Variants in NALF1 observed in about 807,000 individuals in gnomAD.
NALF1 encodes family with sequence similarity 155 member A.
NALF1 carries 3 observed loss-of-function variants against 48.4 expected under a neutral mutation model. The ratio of observed to expected loss-of-function variants is 0.06; its 90% CI spans 0.03 to 0.16. NALF1 has a LOEUF of 0.16. NALF1 is among the 10% of genes least tolerant of loss of function. The probability of loss-of-function intolerance (pLI) is 1.00; values close to 1 mark genes in which losing one functional copy is unlikely to be tolerated. For missense variants in NALF1, 526 were observed against 571.5 expected (o/e 0.92, Z 0.81); for synonymous variants, 262 against 245.7 (o/e 1.07, Z -0.62).
At chr13:107,810,465 C>G (rs1878953940) in intron 1 of NALF1, among the ~76,000 whole-genome samples, 1 of 152,094 alleles carries the variant, frequency 6.6e-6, no homozygotes, top group Non-Finnish European at 1.5e-5. Flanking sequence ...GTCATCACCT[C>G]TATACAGATA....
intron 1 of NALF1, among the ~76,000 whole-genome samples, chr13:107,270,017 G>C (rs1402206917): frequency 7.1e-6 from 1 of 140,872 alleles, no homozygotes; most frequent in Non-Finnish European, 1.5e-5. Context: ...TGATCCGCCC[G>C]CCTCGCCCTC....
At chr13:107,221,218 A>T (rs919943959) in intron 1 of NALF1, among the ~76,000 whole-genome samples, 1 of 152,110 alleles carries the variant, frequency 6.6e-6, no homozygotes, top group African/African-American at 2.4e-5. Flanking sequence ...AAAATCACAG[A>T]CTTCACCATT....
rs1052025687 is a variant in NALF1, at chr13:107,776,997, G to A, written c.915+88685C>T. ...GTCCCAGCTGCTTGGGAGACTGAGG[G>A]GGGGAAGATGCTTGTGCCCAGGAGG... On this transcript the variant is annotated intron_variant, in intron 1 of 2. Transcript: ENST00000375915. Among the ~76,000 whole-genome samples the A allele has an allele frequency of 2.5e-4, 38 of 152,132 alleles. 1 individual carries two copies. Among genetic ancestry groups the A allele is most frequent in the Admixed American group, 5.2e-4 (8 of 15,286 alleles).
At chr13:107,328,057 C>T (rs1259427611) in intron 1 of NALF1, among the ~76,000 whole-genome samples, 1 of 151,880 alleles carries the variant, frequency 6.6e-6, no homozygotes, top group African/African-American at 2.4e-5. Flanking sequence ...AGTAGCTGGG[C>T]CTACAGGCAT....
At chr13:107,555,605 T>G (rs976431194) in intron 1 of NALF1, among the ~76,000 whole-genome samples, 4 of 151,934 alleles carry the variant, frequency 2.6e-5, no homozygotes, top group Non-Finnish European at 5.9e-5. Context: ...AGATGTTTGA[T>G]TTTAGTAACA....
rs1317070609 is a variant in NALF1 at position 107,582,207 on chromosome 13, A to G, written c.915+283475T>C. ...ATCCTTTAAAATAGATTCATTTTTC[A>G]AAGTCCTTAATGACTCCGAAGTAGA... is the stretch of plus-strand genomic sequence containing the variant. On this transcript the variant is annotated intron_variant, in intron 1 of 2. Coordinates refer to ENST00000375915, the MANE Select transcript of NALF1 (RefSeq NM_001080396.3). 2.0e-5 allele frequency among the ~76,000 whole-genome samples: 3 copies of G among 152,220 alleles called. No individual in the cohort carries two copies. In the East Asian group the frequency reaches 5.8e-4, roughly 29 times the overall value.
At chr13:107,337,368 T>C (rs1175769655) in intron 1 of NALF1, among the ~76,000 whole-genome samples, 1 of 152,218 alleles carries the variant, frequency 6.6e-6, no homozygotes, top group Non-Finnish European at 1.5e-5. Flanking sequence ...CTTTCAAATA[T>C]AACATTTTTA....
intron 2 of NALF1, among the ~76,000 whole-genome samples, chr13:107,202,461 TCA>T (rs1879541222): frequency 6.6e-6 from 1 of 151,446 alleles, no homozygotes; most frequent in African/African-American, 2.4e-5. Context: ...ATAATAATAT[TCA>T]CACAGACATT....
chr13:107,633,203 T>G (rs1239289914), intron 1 of NALF1, among the ~76,000 whole-genome samples: 1 of 152,152 alleles, frequency 6.6e-6, no homozygotes, highest in African/African-American at 2.4e-5. Context: ...TTAGTGACTT[T>G]TAAAATAAGT....
At chr13:107,197,267 T>A (rs1005581944) in intron 2 of NALF1, among the ~76,000 whole-genome samples, 1 of 152,236 alleles carries the variant, frequency 6.6e-6, no homozygotes, top group Non-Finnish European at 1.5e-5. Context: ...TATTCTGTCA[T>A]AGCCACATAA....
At chr13:107,330,541 T>A (rs1882450249) in intron 1 of NALF1, among the ~76,000 whole-genome samples, 1 of 152,310 alleles carries the variant, frequency 6.6e-6, no homozygotes, top group African/African-American at 2.4e-5. Context: ...AAACACAACA[T>A]AAGGGACACT....
chr13:107,548,800 AG>A (rs1877207813), intron 1 of NALF1, among the ~76,000 whole-genome samples: 3 of 152,052 alleles, frequency 2.0e-5, no homozygotes, highest in Admixed American at 2.0e-4. Flanking sequence ...AGGAATATCT[AG>A]CCATACACAC....
chr13:107,516,072 C>G (rs1323680), intron 1 of NALF1, among the ~76,000 whole-genome samples: 1 of 152,170 alleles, frequency 6.6e-6, no homozygotes, highest in Non-Finnish European at 1.5e-5. Flanking sequence ...AAAATGTTCA[C>G]TGGGGGTTTG....
chr13:107,523,679 G>C (rs1363405729), intron 1 of NALF1, among the ~76,000 whole-genome samples: 4 of 151,766 alleles, frequency 2.6e-5, no homozygotes, highest in Admixed American at 2.6e-4. Flanking sequence ...TTCAAGTCTT[G>C]GTGTCTGGAA....
rs56166501 is a variant in NALF1, at chr13:107,182,915, C to T, written c.1088-12129G>A. The stretch of plus-strand genomic sequence containing the variant: ...CTAATTTAGGCAAACAAAATAAAAA[C>T]GGGGGATGGCAGGAATATTAGAAAC... On this transcript the variant is annotated intron_variant, in intron 2 of 2. Transcript: ENST00000375915. Among the ~76,000 whole-genome samples, 331 of 152,174 alleles carry T rather than the reference C, an allele frequency of 2.2e-3. 1 individual carries two copies. Among genetic ancestry groups the T allele is most frequent in the African/African-American group, 7.6e-3 (317 of 41,520 alleles).
rs201062616 is a variant in NALF1 at position 107,519,120 on chromosome 13, AT to A, written c.916-308366del. ...AATAGCTGATAAAAATCACTAAGGAATGACTTGTGATATGTGTTTACAATCA... is the reference window on the plus strand; with the variant it reads ...AATAGCTGATAAAAATCACTAAGGAAGACTTGTGATATGTGTTTACAATCA... On this transcript the variant is annotated intron_variant, in intron 1 of 2. Transcript: ENST00000375915. Among the ~76,000 whole-genome samples the A allele has an allele frequency of 1.3e-4, 11 of 82,646 alleles. No individual in the cohort carries two copies. The South Asian group carries it at 5.0e-3, about 38-fold the overall frequency. The allele number at this position is 82,646 out of a possible 152,430, so 54.2% of individuals were successfully genotyped here. A position where few individuals can be genotyped will look rare whatever the true frequency, so the allele number is the denominator to read the frequency against.
intron 1 of NALF1, among the ~76,000 whole-genome samples, chr13:107,288,241 A>G (rs1183565878): frequency 8.4e-6 from 1 of 118,924 alleles, no homozygotes; most frequent in Non-Finnish European, 1.7e-5. Context: ...TTTTTTTGAG[A>G]CGGAGTCTCG....
At chr13:107,777,181 C>T (rs1171902501) in intron 1 of NALF1, among the ~76,000 whole-genome samples, 3 of 152,110 alleles carry the variant, frequency 2.0e-5, no homozygotes, top group Non-Finnish European at 2.9e-5. Flanking sequence ...GTATCTTGCA[C>T]GGCTGTCACA....
intron 1 of NALF1, among the ~76,000 whole-genome samples, chr13:107,574,980 T>G (rs1298704678): frequency 3.3e-5 from 5 of 152,270 alleles, no homozygotes; most frequent in Non-Finnish European, 5.9e-5. Flanking sequence ...ATGACTACTA[T>G]CCTCAGCCAA....
Sources: allele counts gnomAD v4.1 joint callset (sites outside exome capture counted in the v4.1 genomes callset), GRCh38; gene constraint gnomAD v4.1.1; transcripts MANE v1.5; gene names NCBI Gene and HGNC (gene_info 2026-07-23, HGNC 2026-07-21).